Variants in ST7L observed in about 807,000 individuals in gnomAD.
ST7L encodes suppressor of tumorigenicity 7 protein-like.
ST7L carries 57 observed loss-of-function variants against 72.5 expected under a neutral mutation model. The ratio of observed to expected loss-of-function variants is 0.79; its 90% confidence interval spans 0.64 to 0.98. The LOEUF is 0.98. Ranked by LOEUF, ST7L falls within the 50% of genes least tolerant of loss-of-function variation. The pLI is 0.00. For synonymous variants in ST7L, 221 were observed against 240.9 expected, an observed-to-expected ratio of 0.92 and a Z score of 0.77; for missense variants, 576 against 672.2, an observed-to-expected ratio of 0.86 and a Z score of 1.58.
chr1:112,606,981 C>G (rs1451421100), intron 3 of ST7L: 1 of 152,182 alleles, frequency 6.6e-6, no homozygotes, highest in Non-Finnish European at 1.5e-5. Context: ...ACATTTCAGT[C>G]TACAACATGT....
At chr1:112,547,784 G>C (rs534594) in intron 13 of ST7L, among the ~76,000 whole-genome samples, 2,272 of 150,918 alleles carry the variant, frequency 0.015, 69 homozygotes, top group African/African-American at 0.052. Context: ...GGCTGGTCTC[G>C]GACTCCTGAC....
chr1:112,536,350 TA>T (rs148179087), intron 14 of ST7L, among the ~76,000 whole-genome samples: 2 of 152,028 alleles, frequency 1.3e-5, no homozygotes, highest in African/African-American at 4.8e-5. Flanking sequence ...TCAGAACCTT[TA>T]AAAAAACATA....
chr1:112,546,772 T>C (rs1174912017), intron 13 of ST7L, among the ~76,000 whole-genome samples: 6 of 152,134 alleles, frequency 3.9e-5, no homozygotes, highest in African/African-American at 1.4e-4. Flanking sequence ...AGTTGCTCTC[T>C]ATTACTTATG....
At chr1:112,534,616 A>C (rs1451795803) in intron 14 of ST7L, among the ~76,000 whole-genome samples, 1 of 150,510 alleles carries the variant, frequency 6.6e-6, no homozygotes, top group African/African-American at 2.4e-5. Context: ...ATAAAAGCTA[A>C]AAACTATTCC....
At chr1:112,599,432 C>G (rs1571245134) in intron 4 of ST7L, among the ~76,000 whole-genome samples, 1 of 152,158 alleles carries the variant, frequency 6.6e-6, no homozygotes, top group East Asian at 1.9e-4. Context: ...CATAATGTTT[C>G]TTATTCAATA....
intron 14 of ST7L, among the ~76,000 whole-genome samples, chr1:112,536,826 A>G (rs903903791): frequency 6.6e-6 from 1 of 152,182 alleles, no homozygotes; most frequent in African/African-American, 2.4e-5. Context: ...AACAAAGCCC[A>G]TTCCCACCGC....
chr1:112,532,713 A>C (rs919638500), intron 14 of ST7L, among the ~76,000 whole-genome samples: 1 of 152,232 alleles, frequency 6.6e-6, no homozygotes, highest in Non-Finnish European at 1.5e-5. Context: ...AATCCCAAAT[A>C]ATTTCTCTCC....
chr1:112,529,802 T>C (rs777649629), intron 14 of ST7L: 22 of 150,172 alleles, frequency 1.5e-4, no homozygotes, highest in Non-Finnish European at 3.0e-4. Flanking sequence ...TTCAACCAAG[T>C]TCTATGGAGG....
downstream of ST7L, chr1:112,520,858 T>G (rs1254643528): frequency 7.3e-6 from 2 of 273,244 alleles, no homozygotes; most frequent in African/African-American, 4.3e-5. Flanking sequence ...TACTTCTTGG[T>G]GTGCAAGAGG....
intron 11 of ST7L, among the ~76,000 whole-genome samples, chr1:112,568,887 T>TATATATATA (rs1308318369): frequency 3.8e-5 from 5 of 131,558 alleles, no homozygotes; most frequent in African/African-American, 6.1e-5. Flanking sequence ...TATATATATA[T>TATATATATA]AAAACAAAAA....
At chr1:112,619,212 G>C (rs1170181179), upstream of ST7L, 2 of 1,196,420 alleles carry the variant, frequency 1.7e-6, no homozygotes, top group East Asian at 2.6e-5. Flanking sequence ...GTTGGCCTCT[G>C]TGAAGGCTGA....
At chr1:112,547,687 C>A (rs1243070313) in intron 13 of ST7L, among the ~76,000 whole-genome samples, 2 of 149,546 alleles carry the variant, frequency 1.3e-5, no homozygotes, top group East Asian at 4.1e-4. Context: ...CTCAGCCTTC[C>A]AAGTAGCTGA....
chr1:112,581,206 A>T (rs917603298), intron 9 of ST7L, among the ~76,000 whole-genome samples: 6 of 152,046 alleles, frequency 3.9e-5, no homozygotes, highest in Non-Finnish European at 5.9e-5. Flanking sequence ...CTTATAGTAT[A>T]TACTGCTAAG....
chr1:112,573,270 C>A (rs1662456306), intron 11 of ST7L, among the ~76,000 whole-genome samples: 1 of 148,582 alleles, frequency 6.7e-6, no homozygotes, highest in African/African-American at 2.5e-5. Context: ...ATCACCTGAA[C>A]CCGGGAGGTG....
At chr1:112,520,333 G>T, downstream of ST7L, 1 of 1,614,140 alleles carries the variant, frequency 6.2e-7, no homozygotes, top group South Asian at 1.1e-5. Context: ...AGGAACAGAC[G>T]GTTGTGAAAT....
chr1:112,573,217 G>A (rs1038367417), intron 11 of ST7L, among the ~76,000 whole-genome samples: 11 of 151,816 alleles, frequency 7.2e-5, no homozygotes, highest in African/African-American at 2.4e-4. Flanking sequence ...GTATGGTGGC[G>A]CATGCCTGTA....
chr1:112,518,418 TG>T, the ST7L span: 3 of 152,368 alleles, frequency 2.0e-5, no homozygotes, highest in East Asian at 5.8e-4. Context: ...CTGTCATTCC[TG>T]GAAGAGTCAA....
intron 11 of ST7L, among the ~76,000 whole-genome samples, chr1:112,574,477 G>A (rs1480266756): frequency 6.6e-6 from 1 of 151,766 alleles, no homozygotes; most frequent in East Asian, 2.0e-4. Context: ...GGCTAACACT[G>A]TGAAACCTCG....
intron 3 of ST7L, 159 bp downstream of exon 3, chr1:112,610,682 C>A: frequency 1.1e-6 from 1 of 877,618 alleles, no homozygotes. Context: ...TGATCACCTC[C>A]CAAAGACCCT....
Sources: gnomAD v4.1 joint callset for allele counts (sites outside exome capture counted in the v4.1 genomes callset) on GRCh38, gnomAD v4.1.1 for gene constraint, MANE v1.5 for transcripts, NCBI Gene and HGNC (gene_info 2026-07-23, HGNC 2026-07-21) for gene names.